Variants in ZNF273 observed in about 807,000 individuals in gnomAD.
ZNF273 encodes the protein zinc finger protein 9.
A neutral mutation model predicts 14.9 loss-of-function variants in ZNF273; 11 were observed. That is an observed-to-expected ratio of 0.74 (90% CI 0.46 to 1.22). ZNF273 has a LOEUF of 1.22. ZNF273 is among the 50% of genes most tolerant of loss of function. The pLI is 0.00. For missense variants in ZNF273, 577 were observed against 660.6 expected (o/e 0.87, Z 1.39); for synonymous variants, 199 against 223.9 (o/e 0.89, Z 0.99).
At chr7:64,901,496 T>C (rs867983648), upstream of ZNF273, among the ~76,000 whole-genome samples, 3 of 152,372 alleles carry the variant, frequency 2.0e-5, no homozygotes, top group Middle Eastern at 3.4e-3. Flanking sequence ...TTATTAAATG[T>C]AGCTCCATGA....
intron 3 of ZNF273, chr7:64,923,568 C>G: frequency 3.0e-6 from 1 of 334,398 alleles, no homozygotes; most frequent in South Asian, 2.3e-5. Context: ...TCTCGAACGC[C>G]TGACCTCGTG....
downstream of ZNF273, among the ~76,000 whole-genome samples, chr7:64,891,187 T>A (rs946081111): frequency 1.3e-5 from 2 of 152,224 alleles, no homozygotes; most frequent in Admixed American, 6.5e-5. Flanking sequence ...TGGTTCTGCC[T>A]CAGTCACTCC....
upstream of ZNF273, among the ~76,000 whole-genome samples, chr7:64,899,653 CAA>C (rs113839919): frequency 2.6e-5 from 3 of 116,950 alleles, no homozygotes; most frequent in Non-Finnish European, 3.6e-5. Flanking sequence ...GACTCCATCT[CAA>C]AAAAAAAAAA....
intron 3 of ZNF273, among the ~76,000 whole-genome samples, chr7:64,927,345 C>T (rs1303237372): frequency 6.6e-6 from 1 of 151,286 alleles, no homozygotes; most frequent in East Asian, 1.9e-4. Context: ...GCCTCGGCCT[C>T]CCAAAATGCT....
intron 1 of ZNF273, among the ~76,000 whole-genome samples, chr7:64,886,591 A>G (rs548623747): frequency 6.6e-6 from 1 of 152,300 alleles, no homozygotes; most frequent in East Asian, 1.9e-4. Flanking sequence ...TGCACTCACA[A>G]ACTCAACCAC....
intron 3 of ZNF273, 53 bp downstream of exon 3, chr7:64,918,345 G>T (rs1227277884): frequency 2.0e-6 from 3 of 1,468,624 alleles, no homozygotes; most frequent in Non-Finnish European, 2.7e-6. Context: ...CAGGTCTAAA[G>T]GTCAAGGAGA....
chr7:64,911,165 C>A (rs540770529), intron 1 of ZNF273, among the ~76,000 whole-genome samples: 3 of 152,108 alleles, frequency 2.0e-5, no homozygotes, highest in Admixed American at 1.3e-4. Flanking sequence ...TTGAGATAAT[C>A]TTGTGGGTTT....
chr7:64,901,732 C>T (rs2129053737), upstream of ZNF273, among the ~76,000 whole-genome samples: 1 of 152,264 alleles, frequency 6.6e-6, no homozygotes, highest in African/African-American at 2.4e-5. Flanking sequence ...GGGCGGATCA[C>T]ATGAGGTTGG....
rs2129056178 is a variant in ZNF273 at position 64,903,740 on chromosome 7, T to G, written c.102+321T>G. Among the ~76,000 whole-genome samples, 2 of 152,302 alleles carry G rather than the reference T, an allele frequency of 1.3e-5. 1 individual carries two copies. The highest frequency in any genetic ancestry group is 1.3e-4 in the Admixed American group (2 of 15,302). On this transcript the variant is annotated intron_variant, in intron 1 of 3. Coordinates refer to ENST00000476120, the MANE Select transcript of ZNF273 (RefSeq NM_021148.3). ...TGCAGGGTTCATGACTAGGAAGAGCTTTGGTCCATGGGGTTCCCAGACCCT... is the reference window on the plus strand; with the variant it reads ...TGCAGGGTTCATGACTAGGAAGAGCGTTGGTCCATGGGGTTCCCAGACCCT...
chr7:64,928,702 C>G lies in ZNF273; in HGVS notation c.1374C>G (p.Tyr458Ter), dbSNP rs1409260413. Residue 458 changes from tyrosine to a stop codon, truncating the protein, a stop_gained, in exon 4 of 4, where the codon TAC becomes TAG. Coordinates refer to ENST00000476120, the MANE Select transcript of ZNF273 (RefSeq NM_021148.3). LOFTEE classifies it low-confidence loss of function (END_TRUNC). ...HKIIHTGAKP[Y>*]KCEECGSAFR... Reference sequence around the variant, plus strand: ...TAATTCATACTGGAGCAAAACCTTACAAATGTGAAGAATGTGGCAGTGCCT... The same window carrying G: ...TAATTCATACTGGAGCAAAACCTTAGAAATGTGAAGAATGTGGCAGTGCCT... The G allele has an allele frequency of 1.6e-5, 26 of 1,607,056 alleles. No homozygotes were observed. Among genetic ancestry groups the G allele is most frequent in the Non-Finnish European group, 2.2e-5 (26 of 1,174,526 alleles).
rs1793773323 is a variant in ZNF273 at position 64,914,180 on chromosome 7, G to GTTTTT, written c.103-3400_103-3399insTTTTT. On this transcript the variant is annotated intron_variant, in intron 1 of 3. Coordinates refer to ENST00000476120, the MANE Select transcript of ZNF273 (RefSeq NM_021148.3). ...GCACCACTACGTCCTGGTAATTTTT[G>GTTTTT]TATTTTTTTTTTTTTTTTTTTTTTT... Among the ~76,000 whole-genome samples, 7 of 63,072 alleles carry GTTTTT rather than the reference G, an allele frequency of 1.1e-4. 1 individual carries two copies. The highest frequency in any genetic ancestry group is 1.2e-4 in the Non-Finnish European group (4 of 34,236). 41.4% of individuals were successfully genotyped at this position (63,072 alleles called of 152,430 possible).
At position 64,929,083 on chromosome 7, in the gene ZNF273, G is replaced by C; in HGVS notation, c.*45G>C. On this transcript the variant is annotated 3_prime_UTR_variant, in exon 4 of 4. Transcript: ENST00000476120. ...AAGCCTTTAAGCGGTTGTCACACTT[G>C]ATTGTATATAAGATAATTCATACTG... is the stretch of plus-strand genomic sequence containing the variant. 2 of 975,992 alleles carry C rather than the reference G, an allele frequency of 2.0e-6. No homozygotes were observed. Among genetic ancestry groups the C allele is most frequent in the Non-Finnish European group, 2.5e-6 (2 of 801,380 alleles). 60.5% of individuals were successfully genotyped at this position (975,992 alleles called of 1,614,324 possible).
rs1562959220 is a variant in ZNF273 at position 64,912,846 on chromosome 7, T to TTTTTTTTTTTTTTTTTTTTTTG, written c.103-4735_103-4734insTTTTTTTTTTTTTTTTTTTTTG. Reference sequence around the variant, plus strand: ...TTTTAGTTTTTTTTTTTTTTTTTTTTGAGATTGAGTTTCGCTCTGTCATCC... The same window carrying TTTTTTTTTTTTTTTTTTTTTTG: ...TTTTAGTTTTTTTTTTTTTTTTTTTTTTTTTTTTTTTTTTTTTTTTTGGAGATTGAGTTTCGCTCTGTCATCC... On this transcript the variant is annotated intron_variant, in intron 1 of 3. Coordinates refer to ENST00000476120, the MANE Select transcript of ZNF273 (RefSeq NM_021148.3). Among the ~76,000 whole-genome samples, 38 of 98,264 alleles carry TTTTTTTTTTTTTTTTTTTTTTG rather than the reference T, an allele frequency of 3.9e-4. 7 individuals are homozygous for TTTTTTTTTTTTTTTTTTTTTTG. The highest frequency in any genetic ancestry group is 7.9e-4 in the Non-Finnish European group (31 of 39,252). The allele number at this position is 98,264 out of a possible 152,430, so 64.5% of individuals were successfully genotyped here. A position where few individuals can be genotyped will look rare whatever the true frequency, so the allele number is the denominator to read the frequency against.
In ZNF273 at chr7:64,928,117, A is replaced by C; in HGVS notation, c.789A>C (p.Lys263Asn). The C allele has an allele frequency of 6.2e-7, 1 of 1,613,506 alleles. No homozygotes were observed. Among genetic ancestry groups the C allele is most frequent in the Non-Finnish European group, 8.5e-7 (1 of 1,179,620 alleles). ...KIIHPEVNPY[K>N]CEECGKAFNQ... ...TTCATCCTGAAGTGAATCCCTACAA[A>C]TGTGAAGAATGTGGCAAAGCCTTTA... Residue 263 changes from lysine to asparagine, a missense_variant, in exon 4 of 4, where the codon AAA becomes AAC. Transcript: ENST00000476120.
At chr7:64,890,874 G>A (rs946121922), downstream of ZNF273, among the ~76,000 whole-genome samples, 2 of 152,198 alleles carry the variant, frequency 1.3e-5, no homozygotes, top group Non-Finnish European at 2.9e-5. Context: ...TTCCTTCACC[G>A]TTGCTCTGCT....
chr7:64,922,282 CAAGT>C lies in ZNF273; in HGVS notation c.325+3992_325+3995del, dbSNP rs146925126. Among the ~76,000 whole-genome samples the C allele has an allele frequency of 9.1e-3, 1,390 of 151,916 alleles. 16 individuals are homozygous for C. The highest frequency in any genetic ancestry group is 0.032 in the African/African-American group (1,320 of 41,456). ...TTCAGTCCCTCAAGTATCTGGGTTACAAGTATGTACCATTATACCCAGTTAGTTT... is the reference window on the plus strand; with the variant it reads ...TTCAGTCCCTCAAGTATCTGGGTTACATGTACCATTATACCCAGTTAGTTT... On this transcript the variant is annotated intron_variant, in intron 3 of 3. Transcript: ENST00000476120.
Position 64,918,180 on chromosome 7 carries a change from C to T in ZNF273, c.230-17C>T, listed in dbSNP as rs949000094. 1 of 1,547,034 alleles carries T rather than the reference C, an allele frequency of 6.5e-7. No individual in the cohort carries two copies. ...GAATATGAGCAAGATTCATGTTACT[C>T]ATTTTTAATAAAACAGGTATTGCTG... On this transcript the variant is annotated splice_polypyrimidine_tract_variant and intron_variant, in intron 2 of 3. Transcript: ENST00000476120.
intron 3 of ZNF273, 140 bp downstream of exon 3, chr7:64,918,432 G>T: frequency 1.4e-6 from 1 of 716,760 alleles, no homozygotes; most frequent in South Asian, 2.2e-5. Flanking sequence ...GGAGGCCGAG[G>T]CGGGCGGATC....
At chr7:64,916,901 T>G in intron 1 of ZNF273, 1 of 787,010 alleles carries the variant, frequency 1.3e-6, no homozygotes, top group African/African-American at 1.9e-5. Context: ...TTTCTCTTCT[T>G]TATTAAGTAT....
Sources: allele counts gnomAD v4.1 joint callset (sites outside exome capture counted in the v4.1 genomes callset), GRCh38; gene constraint gnomAD v4.1.1; transcripts MANE v1.5; gene names NCBI Gene and HGNC (gene_info 2026-07-23, HGNC 2026-07-21).